TTLL12: variants seen among roughly 807,000 people sequenced by gnomAD.
The protein encoded by TTLL12 is tubulin--tyrosine ligase-like protein 12.
TTLL12 carries 77 observed loss-of-function variants against 79.6 expected under a neutral mutation model. The ratio of observed to expected loss-of-function variants is 0.97; its 90% CI spans 0.81 to 1.17. The LOEUF is 1.17. TTLL12 is among the 50% of genes most tolerant of loss of function. The pLI is 0.00. For synonymous variants in TTLL12, 437 were observed against 376.1 expected, an observed-to-expected ratio of 1.16 and a Z score of -1.87; for missense variants, 969 against 895.9, an observed-to-expected ratio of 1.08 and a Z score of -1.04.
chr22:43,184,458 TGAA>T (rs1932132108), intron 1 of TTLL12, among the ~76,000 whole-genome samples: 2 of 152,132 alleles, frequency 1.3e-5, no homozygotes, highest in African/African-American at 4.8e-5. Context: ...AGGCCAGCTT[TGAA>T]GAAGGGGAAG....
intron 10 of TTLL12, 114 bp from the exon 11 acceptor site, chr22:43,172,014 C>A (rs920017836): frequency 3.5e-6 from 3 of 862,880 alleles, no homozygotes; most frequent in Non-Finnish European, 5.6e-6. Flanking sequence ...GGCAGGACCA[C>A]CTGCTGCTCA....
Position 43,169,559 on chromosome 22 carries a change from C to A in TTLL12, c.1585G>T (p.Glu529Ter). ...PDVVLKQVHC[E>*]EFIPEFEKQY... ...TTCTCAAACTCGGGGATGAACTCTT[C>A]ACAGTGCACCTGCAACAGACACAGG... Residue 529 changes from glutamate (E) to a stop codon, truncating the protein, a stop_gained, in exon 12 of 14, where the codon GAA becomes TAA. Coordinates refer to ENST00000216129, the MANE Select transcript of TTLL12 (RefSeq NM_015140.4). LOFTEE classifies it high-confidence loss of function. 2 of 1,613,460 alleles carry A rather than the reference C, an allele frequency of 1.2e-6. No individual in the cohort carries two copies. Among genetic ancestry groups the A allele is most frequent in the Non-Finnish European group, 1.7e-6 (2 of 1,179,684 alleles).
In TTLL12 at chr22:43,167,172, C is replaced by T. The variant is rs1193435403; in HGVS notation, c.*836G>A. On this transcript the variant is annotated 3_prime_UTR_variant, in exon 14 of 14. Transcript: ENST00000216129. ...TTGGAATCCTTTTCTGTCTGGCGCTCCACCGCCCACAATCAGCCCCAGCCC... is the reference window on the plus strand; with the variant it reads ...TTGGAATCCTTTTCTGTCTGGCGCTTCACCGCCCACAATCAGCCCCAGCCC... The T allele has an allele frequency of 5.6e-6, 3 of 531,766 alleles. No homozygotes were observed. Among genetic ancestry groups the T allele is most frequent in the South Asian group, 1.4e-5 (1 of 71,130 alleles). 32.9% of individuals were successfully genotyped at this position (531,766 alleles called of 1,614,324 possible). A position where few individuals can be genotyped will look rare whatever the true frequency, so the allele number is the denominator to read the frequency against.
intron 2 of TTLL12, among the ~76,000 whole-genome samples, chr22:43,182,459 G>A (rs531112863): frequency 1.2e-4 from 18 of 152,354 alleles, no homozygotes; most frequent in African/African-American, 4.1e-4. Flanking sequence ...AGATGGGCCT[G>A]CAGGCCTGAC....
chr22:43,181,760 G>A (rs1365427524), intron 2 of TTLL12, among the ~76,000 whole-genome samples: 1 of 152,230 alleles, frequency 6.6e-6, no homozygotes, highest in African/African-American at 2.4e-5. Context: ...CTTAGGCTGG[G>A]GGGCAAGTTC....
intron 3 of TTLL12, 111 bp downstream of exon 3, chr22:43,180,627 GAGAA>G: frequency 8.2e-7 from 1 of 1,219,378 alleles, no homozygotes; most frequent in Non-Finnish European, 1.2e-6. Context: ...GAAGCCACAG[GAGAA>G]AGTGAGTTGC....
Position 43,183,053 on chromosome 22 carries a change from T to C in TTLL12, c.274A>G (p.Asn92Asp). The change falls in exon 2 of 14, where the codon AAC becomes GAC. Residue 92 changes from asparagine to aspartate, a missense_variant. By Grantham distance (23) the Asn-to-Asp change is conservative. Coordinates refer to ENST00000216129, the MANE Select transcript of TTLL12 (RefSeq NM_015140.4). ...TTGTAGCACAGCTCGTTCCCCGGGT[T>C]GGGCTGCTGCTTCCGCACCTCCCGG... ...AAREVRKQQP[N>D]PGNELCYKVI... The C allele has an allele frequency of 6.2e-7, 1 of 1,614,064 alleles. No homozygotes were observed. The highest frequency in any genetic ancestry group is 1.1e-5 in the South Asian group (1 of 91,088).
intron 11 of TTLL12, chr22:43,171,530 G>A (rs1410063857): frequency 9.4e-6 from 3 of 318,278 alleles, no homozygotes; most frequent in Middle Eastern, 8.9e-4. Context: ...GCCCCGGCTG[G>A]GAACACACTG....
At chr22:43,171,360 C>T (rs754759410) in intron 11 of TTLL12, among the ~76,000 whole-genome samples, 25 of 152,204 alleles carry the variant, frequency 1.6e-4, no homozygotes, top group Non-Finnish European at 4.4e-5. Context: ...CTGCATGGGG[C>T]ACCGCTCAAC....
Position 43,183,156 on chromosome 22 carries a change from G to A in TTLL12, c.178-7C>T, listed in dbSNP as rs376973585. 6 of 1,613,488 alleles carry A rather than the reference G, an allele frequency of 3.7e-6. No homozygotes were observed. The African/African-American group carries it at 8.0e-5, about 22-fold the overall frequency. The stretch of plus-strand genomic sequence containing the variant: ...CTTCCCCAGCGTCGAAAACCTGGGG[G>A]CCAGAGTTCCCGTCAGCAGGGGTGT... On this transcript the variant is annotated splice_region_variant and splice_polypyrimidine_tract_variant and intron_variant, in intron 1 of 13. Transcript: ENST00000216129.
At chr22:43,181,088 G>C (rs777551205) in intron 2 of TTLL12, 148 bp from the exon 3 acceptor site, 14 of 879,018 alleles carry the variant, frequency 1.6e-5, no homozygotes, top group Middle Eastern at 3.5e-4. Flanking sequence ...GCCTAGTTTT[G>C]GACTCCAGTG....
chr22:43,185,340 C>T (rs915697870), intron 1 of TTLL12, among the ~76,000 whole-genome samples: 2 of 145,314 alleles, frequency 1.4e-5, no homozygotes, highest in African/African-American at 2.6e-5. Flanking sequence ...CCAGGGCAGC[C>T]GGCCTAAGGT....
At chr22:43,168,618 TC>T (rs1177525472) in intron 13 of TTLL12, among the ~76,000 whole-genome samples, 155 bp downstream of exon 13, 1 of 152,066 alleles carries the variant, frequency 6.6e-6, no homozygotes, top group Admixed American at 6.5e-5. Flanking sequence ...CGCAGGCACT[TC>T]CTGTGGGCCA....
At chr22:43,176,185 G>T in intron 6 of TTLL12, 135 bp downstream of exon 6, 1 of 682,468 alleles carries the variant, frequency 1.5e-6, no homozygotes. Context: ...TGTCACTGCT[G>T]TGCCCAGACA....
chr22:43,184,298 T>G (rs1251166340), intron 1 of TTLL12, among the ~76,000 whole-genome samples: 1 of 152,270 alleles, frequency 6.6e-6, no homozygotes, highest in African/African-American at 2.4e-5. Context: ...TGGGCAGGAC[T>G]TGCCCTTTGG....
chr22:43,169,712 CA>C, intron 11 of TTLL12, 144 bp from the exon 12 acceptor site: 2 of 767,910 alleles, frequency 2.6e-6, no homozygotes, highest in South Asian at 2.9e-5. Flanking sequence ...CCTCAGGGTC[CA>C]AACAGGAGGC....
chr22:43,180,678 A>C, intron 3 of TTLL12, 64 bp downstream of exon 3: 2 of 1,553,640 alleles, frequency 1.3e-6, no homozygotes, highest in Non-Finnish European at 1.8e-6. Context: ...CTGATGGCAC[A>C]GGGCAGCGGA....
At chr22:43,182,912 C>T (rs1017906191) in intron 2 of TTLL12, 68 bp downstream of exon 2, 1 of 1,560,604 alleles carries the variant, frequency 6.4e-7, no homozygotes. Flanking sequence ...CCAGGAGAAT[C>T]TGCATTACTG....
chr22:43,168,732 G>A (rs753499839), intron 13 of TTLL12, 42 bp downstream of exon 13: 43 of 1,544,252 alleles, frequency 2.8e-5, no homozygotes, highest in Non-Finnish European at 3.5e-5. Flanking sequence ...GGCGGAGGGG[G>A]CGCCTGCTGG....
Sources: allele counts gnomAD v4.1 joint callset (sites outside exome capture counted in the v4.1 genomes callset), GRCh38; gene constraint gnomAD v4.1.1; transcripts MANE v1.5; gene names NCBI Gene and HGNC (gene_info 2026-07-23, HGNC 2026-07-21).